The following TBPL2 variants were observed in gnomAD, a reference collection of about 807,000 sequenced individuals.
TBPL2 encodes the protein TATA-box binding protein like 2.
In TBPL2, 40 loss-of-function variants were observed where a neutral mutation model predicts 38.2. That is an observed-to-expected ratio of 1.05 (90% CI 0.81 to 1.36). The LOEUF (loss-of-function observed/expected upper bound fraction) is 1.36, where lower values mean the gene tolerates loss of function less well. TBPL2 is among the 40% of genes most tolerant of loss of function. TBPL2 has a pLI of 0.00. For synonymous variants in TBPL2, 169 were observed against 171.7 expected, an observed-to-expected ratio of 0.98 and a Z score of 0.12; for missense variants, 461 against 456.7, an observed-to-expected ratio of 1.01 and a Z score of -0.09.
exon 7 of TBPL2, chr14:55,414,328 G>C (rs373514285): frequency 1.4e-5 from 19 of 1,345,864 alleles, no homozygotes; most frequent in Non-Finnish European, 1.9e-5. Context: ...TTCTGTGCTG[G>C]GCTTATGGAC....
rs114516812 is a variant in TBPL2 at position 55,422,994 on chromosome 14, A to C, written c.1051+1165T>G. Among the ~76,000 whole-genome samples, 1,347 of 152,374 alleles carry C rather than the reference A, an allele frequency of 8.8e-3. 24 individuals carry two copies. Among genetic ancestry groups the C allele is most frequent in the African/African-American group, 0.031 (1,294 of 41,578 alleles). ...ATTATTTAAAAAAAAGCCAACAGGA[A>C]AAAATAACAAATATAGCAAAGAATA... On this transcript the variant is annotated intron_variant, in intron 6 of 6. Coordinates refer to ENST00000247219, the Ensembl canonical transcript of TBPL2.
chr14:55,422,270 G>A (rs1016535696), intron 6 of TBPL2, among the ~76,000 whole-genome samples: 1 of 152,166 alleles, frequency 6.6e-6, no homozygotes, highest in Non-Finnish European at 1.5e-5. Context: ...TTATGGTAGA[G>A]GAGAGTGAAA....
exon 7 of TBPL2, chr14:55,414,281 G>A: frequency 1.1e-6 from 1 of 926,890 alleles, no homozygotes; most frequent in Admixed American, 2.4e-5. Context: ...TAACGTACTT[G>A]TAACATCTAC....
intron 5 of TBPL2, 95 bp downstream of exon 5, chr14:55,428,712 T>C (rs886683294): frequency 1.5e-6 from 2 of 1,293,804 alleles, no homozygotes; most frequent in African/African-American, 3.0e-5. Context: ...TTTTTTTTAA[T>C]CACAATTTCT....
At chr14:55,423,607 G>T (rs1014621635) in intron 6 of TBPL2, among the ~76,000 whole-genome samples, 1 of 152,208 alleles carries the variant, frequency 6.6e-6, no homozygotes, top group Non-Finnish European at 1.5e-5. Context: ...GCTAAGAATG[G>T]TTTTTATCTT....
At chr14:55,429,835 C>T (rs914998323) in intron 4 of TBPL2, among the ~76,000 whole-genome samples, 4 of 149,020 alleles carry the variant, frequency 2.7e-5, no homozygotes, top group East Asian at 2.0e-4. Context: ...AAAAAAAAAT[C>T]GCATATAAGG....
chr14:55,438,040 G>A (rs1260839471), intron 1 of TBPL2, among the ~76,000 whole-genome samples: 2 of 152,152 alleles, frequency 1.3e-5, no homozygotes. Context: ...ACTTTATTAT[G>A]GGAAAAAATC....
At chr14:55,422,179 T>C (rs1158725647) in intron 6 of TBPL2, among the ~76,000 whole-genome samples, 1 of 152,198 alleles carries the variant, frequency 6.6e-6, no homozygotes, top group Non-Finnish European at 1.5e-5. Flanking sequence ...AGAAGATATG[T>C]AGCGTTAAGT....
chr14:55,414,285 C>T (rs2140160660), exon 7 of TBPL2: 1 of 949,208 alleles, frequency 1.1e-6, no homozygotes, highest in Non-Finnish European at 1.6e-6. Context: ...GTACTTGTAA[C>T]ATCTACAATT....
chr14:55,431,150 T>C (rs773201294), intron 4 of TBPL2, among the ~76,000 whole-genome samples: 4 of 152,226 alleles, frequency 2.6e-5, no homozygotes, highest in Admixed American at 1.3e-4. Context: ...CAAAAGAGAA[T>C]AGGTTTGGAT....
At chr14:55,430,453 C>CTGGA (rs1271030713) in intron 4 of TBPL2, among the ~76,000 whole-genome samples, 3 of 149,632 alleles carry the variant, frequency 2.0e-5, no homozygotes. Context: ...GTTACCCAGG[C>CTGGA]TGGAGTGCAG....
At chr14:55,432,426 C>A (rs1328805560) in intron 4 of TBPL2, among the ~76,000 whole-genome samples, 4 of 130,570 alleles carry the variant, frequency 3.1e-5, no homozygotes, top group Non-Finnish European at 6.6e-5. Context: ...AAAAAAAAAA[C>A]AACAAATAAA....
intron 6 of TBPL2, among the ~76,000 whole-genome samples, chr14:55,422,457 G>T (rs1885758959): frequency 6.6e-6 from 1 of 152,062 alleles, no homozygotes; most frequent in South Asian, 2.1e-4. Context: ...CACCATGTTG[G>T]CCAGGCTCAT....
At position 55,436,584 on chromosome 14, in the gene TBPL2, A is replaced by G. The variant is rs1266943354; in HGVS notation, c.585T>C (p.Cys195=). 7 of 1,614,204 alleles carry G rather than the reference A, an allele frequency of 4.3e-6. No homozygotes were observed. The South Asian group carries it at 5.5e-5, about 13-fold the overall frequency. Residue 195 remains cysteine (C), a synonymous_variant, in exon 2 of 7, where the codon TGT becomes TGC. Coordinates refer to ENST00000247219, the Ensembl canonical transcript of TBPL2. ...ACTGTAGTTGAGGTACAATTCCACA[A>G]CATTCTGAAATAGGGGTCATTGGTG...
intron 5 of TBPL2, 51 bp downstream of exon 5, chr14:55,428,756 T>G: frequency 6.4e-7 from 1 of 1,558,692 alleles, no homozygotes; most frequent in South Asian, 1.2e-5. Flanking sequence ...ACCCATAATG[T>G]AACTTAAATA....
At chr14:55,438,635 C>T (rs765613262) in intron 1 of TBPL2, among the ~76,000 whole-genome samples, 13 of 152,134 alleles carry the variant, frequency 8.5e-5, no homozygotes, top group Admixed American at 2.6e-4. Flanking sequence ...AAGGCAATGG[C>T]GAGGATTTGA....
intron 5 of TBPL2, among the ~76,000 whole-genome samples, chr14:55,428,206 T>C (rs1036798189): frequency 2.2e-5 from 3 of 134,872 alleles, no homozygotes; most frequent in African/African-American, 8.4e-5. Context: ...GTCGGCTCAC[T>C]GCAAGCTCCA....
intron 4 of TBPL2, among the ~76,000 whole-genome samples, chr14:55,431,872 T>C (rs999536354): frequency 1.3e-5 from 2 of 152,222 alleles, no homozygotes; most frequent in Non-Finnish European, 2.9e-5. Context: ...CTAGTGGCTA[T>C]ATCATTGCAT....
chr14:55,427,668 C>T (rs941223288), intron 5 of TBPL2, among the ~76,000 whole-genome samples: 4 of 152,062 alleles, frequency 2.6e-5, no homozygotes, highest in African/African-American at 9.7e-5. Context: ...CACCCTCCAT[C>T]CCTGCTCTCT....
Sources: gnomAD v4.1 joint callset for allele counts (sites outside exome capture counted in the v4.1 genomes callset) on GRCh38, gnomAD v4.1.1 for gene constraint, MANE v1.5 for transcripts, NCBI Gene and HGNC (gene_info 2026-07-23, HGNC 2026-07-21) for gene names.